SGCD: variants seen among roughly 807,000 people sequenced by gnomAD.
The protein encoded by SGCD is delta-sarcoglycan.
In SGCD, 18 loss-of-function variants were observed where a neutral mutation model predicts 36.6. The ratio of observed to expected loss-of-function variants is 0.49; its 90% CI spans 0.34 to 0.73. The LOEUF is 0.73. Among genes scored for constraint, SGCD ranks in the 30% least tolerant of loss-of-function variants. SGCD has a pLI of 0.01. For missense variants in SGCD, 387 were observed against 346.7 expected (o/e 1.12, Z -0.92); for synonymous variants, 133 against 130.6 (o/e 1.02, Z -0.12).
Position 156,442,724 on chromosome 5 carries a change from T to C in SGCD, c.193-65877T>C, listed in dbSNP as rs189657207. ...TCTTCTATTATAAATGCTTTGAATT[T>C]TATTTAAGTTAATAAACATACTTTG... On this transcript the variant is annotated intron_variant, in intron 3 of 8. Coordinates refer to ENST00000337851, the MANE Select transcript of SGCD (RefSeq NM_000337.6). Among the ~76,000 whole-genome samples, 28 of 152,346 alleles carry C rather than the reference T, an allele frequency of 1.8e-4. No individual in the cohort carries two copies. The East Asian group carries it at 5.0e-3, about 27-fold the overall frequency.
intron 3 of SGCD, among the ~76,000 whole-genome samples, chr5:156,395,313 T>C (rs1771791133): frequency 6.6e-6 from 1 of 152,212 alleles, no homozygotes; most frequent in South Asian, 2.1e-4. Flanking sequence ...GGTTAGGATG[T>C]ATATTTGGCT....
intron 1 of SGCD, among the ~76,000 whole-genome samples, chr5:156,056,287 C>A (rs1436500049): frequency 6.8e-6 from 1 of 145,994 alleles, no homozygotes; most frequent in African/African-American, 2.5e-5. Flanking sequence ...GATAACAGCC[C>A]TTTACTGAAA....
chr5:156,504,392 G>GTATATATATATATA (rs59580975), intron 3 of SGCD, among the ~76,000 whole-genome samples: 221 of 74,978 alleles, frequency 2.9e-3, no homozygotes, highest in African/African-American at 5.4e-3. Context: ...GTGTGTGTGT[G>GTATATATATATATA]TATATATATA....
chr5:156,568,673 CAT>C (rs1298510860), intron 4 of SGCD, among the ~76,000 whole-genome samples: 5 of 152,184 alleles, frequency 3.3e-5, no homozygotes, highest in Non-Finnish European at 5.9e-5. Context: ...AGTGGGCTAA[CAT>C]GTGTGCCAGA....
chr5:155,837,339 G>A, the SGCD span, among the ~76,000 whole-genome samples: 2 of 152,006 alleles, frequency 1.3e-5, no homozygotes, highest in South Asian at 2.1e-4. Flanking sequence ...TGTATTTTTA[G>A]TAGAGATGGG....
chr5:155,967,251 A>G (rs1757920798), intron 1 of SGCD, among the ~76,000 whole-genome samples: 1 of 151,938 alleles, frequency 6.6e-6, no homozygotes, highest in South Asian at 2.1e-4. Flanking sequence ...TGTCTATTTA[A>G]GGTCCACTCA....
intron 3 of SGCD, among the ~76,000 whole-genome samples, chr5:156,319,715 C>T (rs1767608382): frequency 6.6e-6 from 1 of 152,164 alleles, no homozygotes; most frequent in South Asian, 2.1e-4. Context: ...TGCCCAATTC[C>T]TCTATTACCT....
At chr5:156,387,504 G>C (rs1206682164) in intron 3 of SGCD, among the ~76,000 whole-genome samples, 1 of 152,134 alleles carries the variant, frequency 6.6e-6, no homozygotes, top group East Asian at 1.9e-4. Flanking sequence ...TAATACCAGA[G>C]AGCCTCCAAG....
chr5:156,235,824 A>G (rs1765144634), intron 3 of SGCD, among the ~76,000 whole-genome samples: 1 of 152,236 alleles, frequency 6.6e-6, no homozygotes, highest in Admixed American at 6.5e-5. Flanking sequence ...GTTCTCTGCA[A>G]ATCTGAGAGC....
At chr5:156,323,567 G>A (rs1255084459), upstream of SGCD, among the ~76,000 whole-genome samples, 2 of 149,912 alleles carry the variant, frequency 1.3e-5, no homozygotes, top group African/African-American at 2.5e-5. Flanking sequence ...AGAAAATGAA[G>A]TAGACAAAAA....
chr5:155,912,399 A>C (rs982412410), intron 1 of SGCD, among the ~76,000 whole-genome samples: 2 of 152,142 alleles, frequency 1.3e-5, no homozygotes, highest in Non-Finnish European at 2.9e-5. Context: ...ACCAACAGAG[A>C]AAATGCCTTC....
At chr5:155,752,585 A>G in the SGCD span, among the ~76,000 whole-genome samples, 9 of 151,946 alleles carry the variant, frequency 5.9e-5, no homozygotes, top group African/African-American at 2.2e-4. Flanking sequence ...CTGACTTCCC[A>G]CTTCCTAGGC....
intron 1 of SGCD, among the ~76,000 whole-genome samples, chr5:156,100,971 C>G (rs1761504066): frequency 6.6e-6 from 1 of 152,030 alleles, no homozygotes; most frequent in Non-Finnish European, 1.5e-5. Flanking sequence ...GGTGGGGACT[C>G]TGGGATGTTA....
At chr5:155,996,923 A>C (rs1360908259) in intron 1 of SGCD, among the ~76,000 whole-genome samples, 1 of 151,974 alleles carries the variant, frequency 6.6e-6, no homozygotes, top group African/African-American at 2.4e-5. Context: ...ACAGACAGGC[A>C]GGCAGACAGA....
At chr5:156,145,925 G>A (rs1005967005) in intron 3 of SGCD, among the ~76,000 whole-genome samples, 7 of 152,136 alleles carry the variant, frequency 4.6e-5, no homozygotes, top group Non-Finnish European at 8.8e-5. Flanking sequence ...TAAAAAAAGG[G>A]ATTTGAGGCC....
intron 3 of SGCD, among the ~76,000 whole-genome samples, chr5:156,409,028 A>G (rs1466602177): frequency 6.6e-6 from 1 of 152,236 alleles, no homozygotes; most frequent in African/African-American, 2.4e-5. Context: ...AAACAGTAAC[A>G]TAATAAAAAA....
chr5:156,124,394 A>G (rs1330992213), intron 3 of SGCD, among the ~76,000 whole-genome samples: 1 of 152,190 alleles, frequency 6.6e-6, no homozygotes, highest in African/African-American at 2.4e-5. Context: ...GTGCTGTGTA[A>G]TACACTGTTT....
At chr5:156,336,637 AT>A (rs779121933) in intron 2 of SGCD, among the ~76,000 whole-genome samples, 14 of 152,236 alleles carry the variant, frequency 9.2e-5, no homozygotes, top group South Asian at 2.1e-4. Flanking sequence ...TGTAAAAAAA[AT>A]ATAAGTGTGC....
intron 1 of SGCD, among the ~76,000 whole-genome samples, chr5:155,947,245 A>G (rs1241519132): frequency 6.6e-6 from 1 of 151,762 alleles, no homozygotes; most frequent in Non-Finnish European, 1.5e-5. Flanking sequence ...CTTAGCAGAT[A>G]AGGAAATTGA....
Sources: allele counts gnomAD v4.1 joint callset (sites outside exome capture counted in the v4.1 genomes callset), GRCh38; gene constraint gnomAD v4.1.1; transcripts MANE v1.5; gene names NCBI Gene and HGNC (gene_info 2026-07-23, HGNC 2026-07-21).